The following KLHL12 variants were observed in gnomAD, a reference collection of about 807,000 sequenced individuals.
The protein encoded by KLHL12 is kelch-like protein 12.
In KLHL12, 17 loss-of-function variants were observed where a neutral mutation model predicts 60.8. The observed-to-expected ratio is 0.28, with a 90% CI of 0.19 to 0.42. The LOEUF (loss-of-function observed/expected upper bound fraction) is 0.42. KLHL12 is among the 10% of genes least tolerant of loss of function. The probability of loss-of-function intolerance (pLI) is 1.00; values close to 1 mark genes in which losing one functional copy is unlikely to be tolerated. For missense variants in KLHL12, 468 were observed against 722.3 expected (o/e 0.65, Z 4.04); for synonymous variants, 220 against 250.9 (o/e 0.88, Z 1.16).
chr1:202,902,901 G>A (rs1660053727), intron 6 of KLHL12, among the ~76,000 whole-genome samples: 1 of 152,110 alleles, frequency 6.6e-6, no homozygotes, highest in Non-Finnish European at 1.5e-5. Context: ...GGGAGGCTGA[G>A]GTGGGAGGAT....
chr1:202,918,902 A>G (rs770733365), intron 3 of KLHL12, among the ~76,000 whole-genome samples: 23 of 152,340 alleles, frequency 1.5e-4, no homozygotes, highest in East Asian at 9.6e-4. Flanking sequence ...TTAAAAACTA[A>G]AAGTGTGTCA....
chr1:202,912,095 A>G lies in KLHL12; in HGVS notation c.568-892T>C, dbSNP rs551905759. On this transcript the variant is annotated intron_variant, in intron 4 of 11. Transcript: ENST00000367261. ...CCAAAGAGAGCTGTTTCAAGGGAAG[A>G]TTCTCAAAGACCAGGTGCTCACTTA... The G allele has an allele frequency of 3.7e-6, 3 of 813,862 alleles. No individual in the cohort carries two copies. The South Asian group carries it at 4.0e-5, about 11-fold the overall frequency. 50.4% of individuals were successfully genotyped at this position (813,862 alleles called of 1,614,324 possible). A position where few individuals can be genotyped will look rare whatever the true frequency, so the allele number is the denominator to read the frequency against.
At chr1:202,926,859 G>A (rs1653588194) in intron 1 of KLHL12, among the ~76,000 whole-genome samples, 2 of 152,170 alleles carry the variant, frequency 1.3e-5, no homozygotes, top group African/African-American at 2.4e-5. Flanking sequence ...AATACCACCA[G>A]GCATATGGCC....
At position 202,891,407 on chromosome 1, in the gene KLHL12, A is replaced by T. The variant is rs1306838526; in HGVS notation, c.*1126T>A. ...CCTGTGATGAATAAAATCTACACTA[A>T]AGGACAGGTAAGGAAAACTTATAGC... On this transcript the variant is annotated 3_prime_UTR_variant, in exon 12 of 12. Coordinates refer to ENST00000367261, the MANE Select transcript of KLHL12 (RefSeq NM_021633.4). The T allele has an allele frequency of 6.6e-6, 1 of 152,638 alleles. No homozygotes were observed. The highest frequency in any genetic ancestry group is 1.5e-5 in the Non-Finnish European group (1 of 68,038). 9.5% of individuals were successfully genotyped at this position (152,638 alleles called of 1,614,324 possible). A position where few individuals can be genotyped will look rare whatever the true frequency, so the allele number is the denominator to read the frequency against.
intron 2 of KLHL12, among the ~76,000 whole-genome samples, chr1:202,923,092 G>A (rs10920522): frequency 0.8 from 121,368 of 152,184 alleles, 49,239 homozygotes; most frequent in East Asian, 0.9. Context: ...TCTCTCCTTT[G>A]AACAATTACT....
rs1211385953 is a variant in KLHL12 at position 202,918,289 on chromosome 1, A to T, written c.449T>A (p.Leu150Gln). The T allele has an allele frequency of 1.2e-6, 2 of 1,614,036 alleles. No homozygotes were observed. Among genetic ancestry groups the T allele is most frequent in the African/African-American group, 2.7e-5 (2 of 74,934 alleles). ...DFAETHNCVD[L>Q]MQAAEVFSQK... ...GCTAAAAACCTCAGCTGCTTGCATC[A>T]GGTCAACACAATTGTGGGTTTCAGC... is the stretch of plus-strand genomic sequence containing the variant. The change falls in exon 4 of 12, where the codon CTG becomes CAG. Residue 150 changes from leucine to glutamine, a missense_variant. Leu to Gln is a moderately radical substitution (Grantham distance 113). Transcript: ENST00000367261.
chr1:202,900,490 C>T (rs1317221658), intron 6 of KLHL12, among the ~76,000 whole-genome samples: 1 of 152,110 alleles, frequency 6.6e-6, no homozygotes, highest in East Asian at 1.9e-4. Context: ...GTTAAGGCTG[C>T]AGTGAACAAG....
In KLHL12 at chr1:202,927,197, A is replaced by G; in HGVS notation, c.-154T>C. On this transcript the variant is annotated 5_prime_UTR_variant, in exon 1 of 12. Transcript: ENST00000367261. The stretch of plus-strand genomic sequence containing the variant: ...CGGGAGGAGCCGAAGCGCCGCCCAG[A>G]CCCGGAGGCTCTGGAGGCTCTGGAG... The G allele has an allele frequency of 4.1e-6, 4 of 984,560 alleles. No individual in the cohort carries two copies. Among genetic ancestry groups the G allele is most frequent in the Non-Finnish European group, 4.8e-6 (4 of 829,728 alleles). The allele number at this position is 984,560 out of a possible 1,614,324, so 61.0% of individuals were successfully genotyped here.
At chr1:202,920,354 G>C (rs559430202) in intron 2 of KLHL12, among the ~76,000 whole-genome samples, 1 of 141,636 alleles carries the variant, frequency 7.1e-6, no homozygotes, top group Non-Finnish European at 1.5e-5. Context: ...ATAAAATTAT[G>C]CTCTATTTTG....
At chr1:202,917,641 C>T (rs1004624824) in intron 4 of KLHL12, among the ~76,000 whole-genome samples, 12 of 152,224 alleles carry the variant, frequency 7.9e-5, no homozygotes, top group African/African-American at 2.9e-4. Context: ...TTCTGATCCA[C>T]TCCTGAGCAA....
At chr1:202,924,782 T>C in intron 2 of KLHL12, among the ~76,000 whole-genome samples, 186 bp downstream of exon 2, 1 of 152,188 alleles carries the variant, frequency 6.6e-6, no homozygotes, top group South Asian at 2.1e-4. Context: ...ATATTACTAT[T>C]ATCCCTAACT....
At chr1:202,926,453 A>G (rs1653560176) in intron 1 of KLHL12, among the ~76,000 whole-genome samples, 1 of 152,148 alleles carries the variant, frequency 6.6e-6, no homozygotes, top group African/African-American at 2.4e-5. Context: ...TTCCTCCAAC[A>G]ACTCTGCAAG....
At chr1:202,908,736 T>C (rs960557955) in intron 6 of KLHL12, among the ~76,000 whole-genome samples, 3 of 152,172 alleles carry the variant, frequency 2.0e-5, no homozygotes, top group Non-Finnish European at 2.9e-5. Context: ...TGACAAAAAA[T>C]TGTAACATAT....
chr1:202,914,790 A>T (rs1488920756), intron 4 of KLHL12: 2 of 151,516 alleles, frequency 1.3e-5, no homozygotes, highest in Non-Finnish European at 2.9e-5. Flanking sequence ...GTTTGAACCC[A>T]GGAGGCAGAG....
chr1:202,917,554 C>T (rs936615957), intron 4 of KLHL12, among the ~76,000 whole-genome samples: 6 of 152,186 alleles, frequency 3.9e-5, no homozygotes, highest in Admixed American at 2.6e-4. Context: ...CCCTTCCAAC[C>T]GCTGCATCCT....
At chr1:202,921,489 A>G (rs1571543584) in intron 2 of KLHL12, among the ~76,000 whole-genome samples, 1 of 152,218 alleles carries the variant, frequency 6.6e-6, no homozygotes, top group South Asian at 2.1e-4. Context: ...GACTGCATTT[A>G]GTAATGACGA....
At chr1:202,898,886 G>A (rs1162055731) in intron 6 of KLHL12, among the ~76,000 whole-genome samples, 1 of 151,252 alleles carries the variant, frequency 6.6e-6, no homozygotes, top group Non-Finnish European at 1.5e-5. Flanking sequence ...ACAAACACGT[G>A]AGAATAAGGA....
intron 6 of KLHL12, among the ~76,000 whole-genome samples, chr1:202,900,163 A>G (rs1659962761): frequency 1.3e-5 from 2 of 152,128 alleles, no homozygotes; most frequent in South Asian, 4.1e-4. Flanking sequence ...TGCAAATTTT[A>G]AAGTTTTCTA....
chr1:202,918,857 C>A (rs974510586), intron 3 of KLHL12, among the ~76,000 whole-genome samples: 1 of 152,142 alleles, frequency 6.6e-6, no homozygotes, highest in East Asian at 1.9e-4. Context: ...TGGCTATGCA[C>A]TAATGCAAAA....
Sources: allele counts gnomAD v4.1 joint callset (sites outside exome capture counted in the v4.1 genomes callset), GRCh38; gene constraint gnomAD v4.1.1; transcripts MANE v1.5; gene names NCBI Gene and HGNC (gene_info 2026-07-23, HGNC 2026-07-21).